CTNNBL1: variants seen among roughly 807,000 people sequenced by gnomAD.
The protein encoded by CTNNBL1 is beta-catenin-like protein 1.
In CTNNBL1, 31 loss-of-function variants were observed where a neutral mutation model predicts 72.7. That is an observed-to-expected ratio of 0.43 (90% CI 0.32 to 0.58). CTNNBL1 has a LOEUF of 0.58. Ranked by LOEUF, CTNNBL1 falls within the 20% of genes least tolerant of loss-of-function variation. CTNNBL1 has a pLI of 0.08. For missense variants in CTNNBL1, 534 were observed against 725.1 expected (o/e 0.74, Z 3.03); for synonymous variants, 240 against 267.3 (o/e 0.90, Z 1.00).
chr20:37,828,732 C>G (rs1393296815), intron 11 of CTNNBL1, among the ~76,000 whole-genome samples: 2 of 152,186 alleles, frequency 1.3e-5, no homozygotes, highest in East Asian at 3.9e-4. Flanking sequence ...ATGTATGTAC[C>G]CCGTGTATGT....
intron 13 of CTNNBL1, among the ~76,000 whole-genome samples, chr20:37,853,324 AG>A (rs1176936398): frequency 1.3e-5 from 2 of 152,240 alleles, no homozygotes; most frequent in African/African-American, 2.4e-5. Context: ...ATTATAGATC[AG>A]ACTCCTTCAC....
intron 13 of CTNNBL1, among the ~76,000 whole-genome samples, chr20:37,853,710 C>G (rs1405051337): frequency 6.6e-6 from 1 of 152,150 alleles, no homozygotes; most frequent in Non-Finnish European, 1.5e-5. Flanking sequence ...TAAAACAGAC[C>G]AAAACTTGAG....
intron 13 of CTNNBL1, among the ~76,000 whole-genome samples, chr20:37,844,968 C>T (rs1235183667): frequency 1.3e-5 from 2 of 152,042 alleles, no homozygotes; most frequent in Non-Finnish European, 2.9e-5. Flanking sequence ...AACAAAACAC[C>T]TCGCGTTAAA....
At chr20:37,698,251 G>C (rs567680916) in intron 1 of CTNNBL1, among the ~76,000 whole-genome samples, 2 of 152,222 alleles carry the variant, frequency 1.3e-5, no homozygotes, top group African/African-American at 2.4e-5. Context: ...GTCTGCTACT[G>C]GAGAGCACTT....
chr20:37,763,117 G>A (rs958990080), intron 5 of CTNNBL1, among the ~76,000 whole-genome samples: 3 of 152,224 alleles, frequency 2.0e-5, no homozygotes, highest in African/African-American at 7.2e-5. Flanking sequence ...ATACCCAGTG[G>A]AGTGGCGGTG....
intron 10 of CTNNBL1, among the ~76,000 whole-genome samples, chr20:37,792,629 T>G (rs1313050953): frequency 6.6e-6 from 1 of 152,016 alleles, no homozygotes; most frequent in African/African-American, 2.4e-5. Flanking sequence ...ATTTTCTGAT[T>G]AGGGATGCTC....
chr20:37,747,179 A>T (rs1255087140), intron 4 of CTNNBL1, among the ~76,000 whole-genome samples: 1 of 152,122 alleles, frequency 6.6e-6, no homozygotes, highest in Non-Finnish European at 1.5e-5. Flanking sequence ...GCAGTTTGAG[A>T]CCACCCTGGC....
chr20:37,749,386 C>CA (rs1422256335), intron 4 of CTNNBL1, among the ~76,000 whole-genome samples: 2 of 152,108 alleles, frequency 1.3e-5, no homozygotes, highest in African/African-American at 4.8e-5. Flanking sequence ...AAGACTGACA[C>CA]AAAAAACGCT....
chr20:37,784,741 T>A (rs2073657124), intron 10 of CTNNBL1, among the ~76,000 whole-genome samples: 1 of 152,246 alleles, frequency 6.6e-6, no homozygotes, highest in Non-Finnish European at 1.5e-5. Context: ...CATCTTTTAG[T>A]CTTTCTGCTC....
At chr20:37,853,302 A>G (rs901594859) in intron 13 of CTNNBL1, among the ~76,000 whole-genome samples, 2 of 152,216 alleles carry the variant, frequency 1.3e-5, no homozygotes, top group Non-Finnish European at 2.9e-5. Flanking sequence ...TTTAGTGCAT[A>G]ATGGTCAGAG....
In CTNNBL1 at chr20:37,779,093, G is replaced by A. The variant is rs1963381110; in HGVS notation, c.883-94G>A. ...GAGCTTCTGTTTCCTCAGTCGTAGA[G>A]TTATGACCCACAGGTTTTAGGAATT... On this transcript the variant is annotated intron_variant, in intron 9 of 15. Coordinates refer to ENST00000361383, the MANE Select transcript of CTNNBL1 (RefSeq NM_030877.5). 11 of 1,278,310 alleles carry A rather than the reference G, an allele frequency of 8.6e-6. No homozygotes were observed. The South Asian group carries it at 1.3e-4, about 15-fold the overall frequency. 79.2% of individuals were successfully genotyped at this position (1,278,310 alleles called of 1,614,324 possible). A position where few individuals can be genotyped will look rare whatever the true frequency, so the allele number is the denominator to read the frequency against.
intron 13 of CTNNBL1, among the ~76,000 whole-genome samples, chr20:37,844,032 C>T (rs145540627): frequency 0.014 from 2,190 of 152,230 alleles, 28 homozygotes; most frequent in Middle Eastern, 0.041. Context: ...TCTTTTCTAC[C>T]CTATACAGTA....
At chr20:37,806,017 A>G (rs1003780898) in intron 11 of CTNNBL1, among the ~76,000 whole-genome samples, 2 of 152,226 alleles carry the variant, frequency 1.3e-5, no homozygotes, top group Non-Finnish European at 2.9e-5. Flanking sequence ...ATTTCAGTTC[A>G]GATTGATGGT....
intron 1 of CTNNBL1, among the ~76,000 whole-genome samples, chr20:37,712,346 C>G (rs1051016326): frequency 6.6e-6 from 1 of 152,164 alleles, no homozygotes; most frequent in Non-Finnish European, 1.5e-5. Context: ...TTGTAGGAAG[C>G]TTTAGAATCT....
chr20:37,793,678 T>C (rs1235830606), intron 10 of CTNNBL1, among the ~76,000 whole-genome samples: 1 of 152,250 alleles, frequency 6.6e-6, no homozygotes, highest in Non-Finnish European at 1.5e-5. Context: ...TATTTCTCTC[T>C]CCAGGTTTTT....
At chr20:37,825,200 A>G (rs2072147554) in intron 11 of CTNNBL1, among the ~76,000 whole-genome samples, 1 of 152,092 alleles carries the variant, frequency 6.6e-6, no homozygotes, top group Non-Finnish European at 1.5e-5. Context: ...TAAAAATACA[A>G]AAATTAGTCG....
intron 13 of CTNNBL1, among the ~76,000 whole-genome samples, chr20:37,855,734 G>A (rs145783265): frequency 6.6e-6 from 1 of 152,282 alleles, no homozygotes; most frequent in Non-Finnish European, 1.5e-5. Context: ...GCACAGTGCT[G>A]GCTGACACTC....
chr20:37,849,840 C>T (rs2072380076), intron 13 of CTNNBL1, among the ~76,000 whole-genome samples: 1 of 152,244 alleles, frequency 6.6e-6, no homozygotes, highest in South Asian at 2.1e-4. Flanking sequence ...GTTACTTAAA[C>T]TCTCTGCTTC....
At chr20:37,780,329 T>G (rs2073615619) in intron 10 of CTNNBL1, among the ~76,000 whole-genome samples, 1 of 152,152 alleles carries the variant, frequency 6.6e-6, no homozygotes, top group Non-Finnish European at 1.5e-5. Context: ...TATTAAAACA[T>G]TGACAAGGTA....
Sources: allele counts gnomAD v4.1 joint callset (sites outside exome capture counted in the v4.1 genomes callset), GRCh38; gene constraint gnomAD v4.1.1; transcripts MANE v1.5; gene names NCBI Gene and HGNC (gene_info 2026-07-23, HGNC 2026-07-21).